The following NPAS3 variants were observed in gnomAD, a reference collection of about 807,000 sequenced individuals.
NPAS3 encodes neuronal PAS domain-containing protein 3.
NPAS3 carries 14 observed loss-of-function variants against 73.1 expected under a neutral mutation model. The ratio of observed to expected loss-of-function variants is 0.19; its 90% CI spans 0.13 to 0.30. NPAS3 has a LOEUF of 0.30. Ranked by LOEUF, NPAS3 falls within the 10% of genes least tolerant of loss-of-function variation. NPAS3 has a pLI of 1.00. For missense variants in NPAS3, 1,096 were observed against 1,250.0 expected (o/e 0.88, Z 1.86); for synonymous variants, 620 against 541.5 (o/e 1.14, Z -2.01).
intron 5 of NPAS3, among the ~76,000 whole-genome samples, chr14:33,643,833 A>G (rs1264393402): frequency 1.3e-5 from 2 of 152,208 alleles, no homozygotes; most frequent in Admixed American, 1.3e-4. Flanking sequence ...GCTCAAGTCC[A>G]TTGTTTTTAA....
At chr14:33,538,028 T>A (rs944710759) in intron 4 of NPAS3, among the ~76,000 whole-genome samples, 1 of 152,200 alleles carries the variant, frequency 6.6e-6, no homozygotes. Flanking sequence ...TGTGGTGGCA[T>A]AGACCATAAA....
intron 4 of NPAS3, among the ~76,000 whole-genome samples, chr14:33,391,797 C>T (rs1173600894): frequency 1.3e-5 from 2 of 152,124 alleles, no homozygotes; most frequent in African/African-American, 4.8e-5. Context: ...TCCAGAACTT[C>T]AGAGACATGC....
intron 3 of NPAS3, among the ~76,000 whole-genome samples, chr14:33,283,788 T>G (rs1426226754): frequency 6.6e-6 from 1 of 152,180 alleles, no homozygotes; most frequent in Non-Finnish European, 1.5e-5. Flanking sequence ...AGAAAGTTGT[T>G]GTGGGCATCA....
intron 4 of NPAS3, among the ~76,000 whole-genome samples, chr14:33,515,301 C>A (rs1017667547): frequency 6.6e-6 from 1 of 152,006 alleles, no homozygotes; most frequent in Admixed American, 6.6e-5. Context: ...GTAAGAGTGG[C>A]ATTATCATGA....
chr14:33,680,718 T>C, intron 6 of NPAS3: 1 of 687,002 alleles, frequency 1.5e-6, no homozygotes, highest in Non-Finnish European at 2.6e-6. Flanking sequence ...TCTTGTGGCT[T>C]TTTGGGTGGG....
intron 5 of NPAS3, among the ~76,000 whole-genome samples, chr14:33,584,725 A>G (rs1038246126): frequency 6.6e-5 from 10 of 152,216 alleles, no homozygotes; most frequent in Admixed American, 5.9e-4. Flanking sequence ...AACTATGGAA[A>G]TAATTTGACA....
chr14:33,033,856 T>C (rs1295377012), intron 1 of NPAS3, among the ~76,000 whole-genome samples: 1 of 152,254 alleles, frequency 6.6e-6, no homozygotes, highest in African/African-American at 2.4e-5. Flanking sequence ...AAGAACAAGA[T>C]TGTTATTATA....
At chr14:33,185,471 C>G (rs2045945781) in intron 2 of NPAS3, among the ~76,000 whole-genome samples, 2 of 152,140 alleles carry the variant, frequency 1.3e-5, no homozygotes, top group South Asian at 4.1e-4. Context: ...ATCATGCTTT[C>G]CAAAGTGGAT....
intron 4 of NPAS3, among the ~76,000 whole-genome samples, chr14:33,488,344 G>A (rs1189157908): frequency 6.6e-6 from 1 of 151,900 alleles, no homozygotes; most frequent in African/African-American, 2.4e-5. Flanking sequence ...AGTCTTAACG[G>A]GGCTGGCAAC....
chr14:33,422,685 TA>T (rs2048404926), intron 4 of NPAS3, among the ~76,000 whole-genome samples: 1 of 151,602 alleles, frequency 6.6e-6, no homozygotes, highest in Non-Finnish European at 1.5e-5. Context: ...ACACTCAAAA[TA>T]TATCTGTTGA....
chr14:32,970,778 A>T (rs1416690941), intron 1 of NPAS3, among the ~76,000 whole-genome samples: 1 of 152,120 alleles, frequency 6.6e-6, no homozygotes, highest in East Asian at 1.9e-4. Context: ...TCATCTTCAC[A>T]TGGTGTTTTT....
chr14:33,001,170 G>A (rs1423804569), intron 1 of NPAS3, among the ~76,000 whole-genome samples: 3 of 152,154 alleles, frequency 2.0e-5, no homozygotes, highest in African/African-American at 4.8e-5. Flanking sequence ...CTACATTCTA[G>A]GTTCTAGGAG....
At chr14:33,585,807 G>T (rs1304186668) in intron 5 of NPAS3, among the ~76,000 whole-genome samples, 1 of 152,156 alleles carries the variant, frequency 6.6e-6, no homozygotes, top group Non-Finnish European at 1.5e-5. Context: ...CAAAATGTGG[G>T]CTTGAAAACT....
intron 2 of NPAS3, among the ~76,000 whole-genome samples, chr14:33,082,998 T>C (rs1047479999): frequency 3.3e-5 from 5 of 151,854 alleles, no homozygotes; most frequent in Non-Finnish European, 7.4e-5. Flanking sequence ...CTGGCCAACA[T>C]GGCAAAACCT....
At chr14:33,774,517 T>C in exon 8 of NPAS3, 4 of 1,613,730 alleles carry the variant, frequency 2.5e-6, no homozygotes, top group Non-Finnish European at 3.4e-6. Context: ...CAATATCATT[T>C]ACTGTGAAAA....
chr14:33,111,243 C>G (rs1005087247), intron 2 of NPAS3, among the ~76,000 whole-genome samples: 2 of 152,164 alleles, frequency 1.3e-5, no homozygotes, highest in Non-Finnish European at 1.5e-5. Context: ...TTGAATGTCC[C>G]CCTACAGCAG....
At chr14:33,200,553 G>GTTA (rs928442799) in intron 2 of NPAS3, among the ~76,000 whole-genome samples, 13 of 147,298 alleles carry the variant, frequency 8.8e-5, no homozygotes, top group African/African-American at 3.2e-4. Context: ...CCCAGCAAAG[G>GTTA]TTATTATTGG....
At chr14:32,967,039 A>T (rs1195373004) in intron 1 of NPAS3, among the ~76,000 whole-genome samples, 2 of 152,146 alleles carry the variant, frequency 1.3e-5, no homozygotes, top group Non-Finnish European at 2.9e-5. Flanking sequence ...ACAAAGGGCT[A>T]ATATCCAGAA....
chr14:33,400,629 A>T lies in NPAS3; in HGVS notation c.468+33361A>T, dbSNP rs117976607. Among the ~76,000 whole-genome samples the T allele has an allele frequency of 3.8e-3, 572 of 152,260 alleles. 5 individuals are homozygous for T. The highest frequency in any genetic ancestry group is 6.2e-3 in the Admixed American group (94 of 15,278). Reference sequence around the variant, plus strand: ...ATAGACCAGAATTTAGATAAACAACATAACCAGGGACATTTAGTTCAATGA... The same window carrying T: ...ATAGACCAGAATTTAGATAAACAACTTAACCAGGGACATTTAGTTCAATGA... On this transcript the variant is annotated intron_variant, in intron 4 of 11. Transcript: ENST00000356141.
Sources: allele counts gnomAD v4.1 joint callset (sites outside exome capture counted in the v4.1 genomes callset), GRCh38; gene constraint gnomAD v4.1.1; transcripts MANE v1.5; gene names NCBI Gene and HGNC (gene_info 2026-07-23, HGNC 2026-07-21).